CD226: variants seen among roughly 807,000 people sequenced by gnomAD.
CD226 encodes CD226 molecule.
CD226 carries 24 observed loss-of-function variants against 34.9 expected under a neutral mutation model. That is an observed-to-expected ratio of 0.69 (90% CI 0.50 to 0.97). The LOEUF (loss-of-function observed/expected upper bound fraction) is 0.97, where lower values mean the gene tolerates loss of function less well. Ranked by LOEUF, CD226 falls within the 50% of genes least tolerant of loss-of-function variation. CD226 has a pLI of 0.00. For missense variants in CD226, 397 were observed against 412.7 expected (o/e 0.96, Z 0.33); for synonymous variants, 148 against 147.4 (o/e 1.00, Z -0.03).
upstream of CD226, among the ~76,000 whole-genome samples, chr18:69,950,096 A>G (rs543276020): frequency 2.0e-5 from 3 of 152,084 alleles, no homozygotes; most frequent in Non-Finnish European, 2.9e-5. Context: ...ATGCACTTAT[A>G]CATGTTCTCA....
At chr18:69,874,271 C>T (rs1983728572) in intron 3 of CD226, among the ~76,000 whole-genome samples, 1 of 152,202 alleles carries the variant, frequency 6.6e-6, no homozygotes, top group African/African-American at 2.4e-5. Context: ...GAAATGTCCC[C>T]TCTGGAGTGT....
chr18:69,903,254 G>T (rs1352955761), intron 2 of CD226, among the ~76,000 whole-genome samples: 1 of 152,276 alleles, frequency 6.6e-6, no homozygotes, highest in East Asian at 1.9e-4. Flanking sequence ...AGTCGTGGTG[G>T]ACACTGAACT....
chr18:69,893,664 T>C (rs1184726024), intron 3 of CD226, among the ~76,000 whole-genome samples: 4 of 152,208 alleles, frequency 2.6e-5, no homozygotes, highest in Admixed American at 6.5e-5. Flanking sequence ...TTTGTCTGTG[T>C]CTGAAGGAAC....
intron 2 of CD226, among the ~76,000 whole-genome samples, chr18:69,900,812 G>T (rs969326176): frequency 4.0e-5 from 6 of 151,448 alleles, no homozygotes; most frequent in Non-Finnish European, 8.8e-5. Context: ...AAATTAATTT[G>T]CAATTCATTT....
At chr18:69,873,296 G>T in intron 3 of CD226, 50 bp from the exon 4 acceptor site, 1 of 911,928 alleles carries the variant, frequency 1.1e-6, no homozygotes, top group Non-Finnish European at 1.8e-6. Flanking sequence ...GCCAAAGGCA[G>T]TAAAAAGTAA....
intron 2 of CD226, among the ~76,000 whole-genome samples, chr18:69,943,176 G>A (rs138793869): frequency 1.9e-3 from 286 of 152,286 alleles, no homozygotes; most frequent in Middle Eastern, 3.4e-3. Context: ...GAAATGACAC[G>A]CAGTTGCATC....
At chr18:69,903,887 C>G (rs2055217746) in intron 2 of CD226, among the ~76,000 whole-genome samples, 1 of 152,106 alleles carries the variant, frequency 6.6e-6, no homozygotes, top group Admixed American at 6.5e-5. Context: ...GCCAGCAGCT[C>G]TAGGACACTA....
upstream of CD226, among the ~76,000 whole-genome samples, chr18:69,958,788 A>AACACACACACACACAC (rs59835947): frequency 1.8e-3 from 254 of 143,798 alleles, no homozygotes; most frequent in African/African-American, 6.0e-3. Flanking sequence ...TTCACAGGCA[A>AACACACACACACACAC]ACACACACAC....
chr18:69,955,638 C>A (rs897995315), intron 1 of CD226, among the ~76,000 whole-genome samples: 1 of 151,952 alleles, frequency 6.6e-6, no homozygotes, highest in African/African-American at 2.4e-5. Flanking sequence ...CCGAGGCGGG[C>A]GGATCATGAG....
chr18:69,888,342 G>A (rs1464750265), intron 3 of CD226, among the ~76,000 whole-genome samples: 1 of 151,500 alleles, frequency 6.6e-6, no homozygotes, highest in Non-Finnish European at 1.5e-5. Flanking sequence ...AGTATAAATG[G>A]TTATTTCACA....
At chr18:69,947,121 A>C in intron 1 of CD226, 52 bp from the exon 2 acceptor site, 1 of 1,423,784 alleles carries the variant, frequency 7.0e-7, no homozygotes, top group Non-Finnish European at 9.8e-7. Flanking sequence ...GGAAACACCA[A>C]ATCAATATCT....
At chr18:69,897,000 T>C (rs1479558462) in intron 2 of CD226, among the ~76,000 whole-genome samples, 1 of 152,188 alleles carries the variant, frequency 6.6e-6, no homozygotes, top group Non-Finnish European at 1.5e-5. Flanking sequence ...CCATGGTCCT[T>C]AGAGTGTGTT....
intron 3 of CD226, among the ~76,000 whole-genome samples, chr18:69,889,848 A>T (rs1261903382): frequency 6.6e-6 from 1 of 152,200 alleles, no homozygotes; most frequent in Non-Finnish European, 1.5e-5. Context: ...TGGCACTATG[A>T]TTTCCTAGTG....
chr18:69,894,872 A>G (rs1716525290), intron 3 of CD226, among the ~76,000 whole-genome samples: 1 of 151,766 alleles, frequency 6.6e-6, no homozygotes, highest in African/African-American at 2.4e-5. Context: ...TCTCATACTC[A>G]TGCAAAGTGG....
chr18:69,884,853 T>A (rs930447138), intron 3 of CD226, among the ~76,000 whole-genome samples: 1 of 152,208 alleles, frequency 6.6e-6, no homozygotes. Flanking sequence ...ATGTATGTAA[T>A]GGGTTGTATC....
chr18:69,940,166 T>C (rs1330236870), intron 2 of CD226, among the ~76,000 whole-genome samples: 1 of 152,212 alleles, frequency 6.6e-6, no homozygotes, highest in Non-Finnish European at 1.5e-5. Flanking sequence ...GTGAAGGACA[T>C]ATTTGCTTCC....
At chr18:69,935,831 T>C (rs1440521175) in intron 2 of CD226, among the ~76,000 whole-genome samples, 1 of 152,192 alleles carries the variant, frequency 6.6e-6, no homozygotes, top group Admixed American at 6.5e-5. Flanking sequence ...ACAATCATCT[T>C]GAAAATATAA....
At chr18:69,875,874 A>C (rs1424939734) in intron 3 of CD226, among the ~76,000 whole-genome samples, 4 of 152,236 alleles carry the variant, frequency 2.6e-5, no homozygotes, top group Non-Finnish European at 5.9e-5. Flanking sequence ...AACTTATAGA[A>C]GCAGGGAATA....
At chr18:69,917,961 AC>A (rs1208847805) in intron 2 of CD226, among the ~76,000 whole-genome samples, 2 of 152,266 alleles carry the variant, frequency 1.3e-5, no homozygotes, top group East Asian at 3.9e-4. Flanking sequence ...AACCTTGAAA[AC>A]AAGTCAGCTG....
Sources: allele counts gnomAD v4.1 joint callset (sites outside exome capture counted in the v4.1 genomes callset), GRCh38; gene constraint gnomAD v4.1.1; transcripts MANE v1.5; gene names NCBI Gene and HGNC (gene_info 2026-07-23, HGNC 2026-07-21).